The following CCSER1 variants were observed in gnomAD, a reference collection of about 807,000 sequenced individuals.
The protein encoded by CCSER1 is serine-rich coiled-coil domain-containing protein 1.
CCSER1 carries 41 observed loss-of-function variants against 82.0 expected under a neutral mutation model. The observed-to-expected ratio is 0.50, with a 90% CI of 0.39 to 0.65. The LOEUF (loss-of-function observed/expected upper bound fraction) is 0.65. Ranked by LOEUF, CCSER1 falls within the 30% of genes least tolerant of loss-of-function variation. The pLI is 0.00. For missense variants in CCSER1, 1,119 were observed against 1,064.2 expected, an observed-to-expected ratio of 1.05 and a Z score of -0.72; for synonymous variants, 414 against 383.9, an observed-to-expected ratio of 1.08 and a Z score of -0.92.
At chr4:90,641,838 A>G (rs902266867) in intron 6 of CCSER1, 1 of 209,674 alleles carries the variant, frequency 4.8e-6, no homozygotes, top group African/African-American at 2.3e-5. Flanking sequence ...TGCCACCTTC[A>G]TTGTACCTAA....
chr4:90,128,516 T>TGTGTGTGTGTGTGC lies in CCSER1; in HGVS notation c.-42+686_-42+687insTGTGTGTGTGTGCG, dbSNP rs994567297. 3.5e-3 allele frequency among the ~76,000 whole-genome samples: 450 copies of TGTGTGTGTGTGTGC among 128,566 alleles called. 2 individuals are homozygous for TGTGTGTGTGTGTGC. Among genetic ancestry groups the TGTGTGTGTGTGTGC allele is most frequent in the African/African-American group, 0.013 (421 of 31,274 alleles). The allele number at this position is 128,566 out of a possible 152,430, so 84.3% of individuals were successfully genotyped here. A position where few individuals can be genotyped will look rare whatever the true frequency, so the allele number is the denominator to read the frequency against. On this transcript the variant is annotated intron_variant, in intron 1 of 10. Transcript: ENST00000509176. The stretch of plus-strand genomic sequence containing the variant: ...GTGCGTGTGTGTGTGTGTGTGTGTG[T>TGTGTGTGTGTGTGC]GCGCGCGCGCGCGCGCTCTGGACTA...
At chr4:91,567,258 A>T (rs1172155055) in intron 10 of CCSER1, among the ~76,000 whole-genome samples, 1 of 152,024 alleles carries the variant, frequency 6.6e-6, no homozygotes, top group Non-Finnish European at 1.5e-5. Flanking sequence ...GTTTGGTGTG[A>T]TTACATTTCT....
intron 5 of CCSER1, among the ~76,000 whole-genome samples, chr4:90,561,549 A>G (rs1413205444): frequency 6.6e-6 from 1 of 152,226 alleles, no homozygotes; most frequent in East Asian, 1.9e-4. Context: ...TTTATTTTTG[A>G]ATCTACATTT....
At chr4:91,144,157 C>T (rs1482314448) in intron 10 of CCSER1, among the ~76,000 whole-genome samples, 2 of 151,930 alleles carry the variant, frequency 1.3e-5, no homozygotes, top group African/African-American at 2.4e-5. Context: ...TTGGTCTGTT[C>T]AGGGTTTTAA....
At chr4:90,189,914 A>G (rs1735309993) in intron 1 of CCSER1, among the ~76,000 whole-genome samples, 1 of 152,036 alleles carries the variant, frequency 6.6e-6, no homozygotes, top group Admixed American at 6.6e-5. Flanking sequence ...TGTAAAGCAT[A>G]TAGTTTAGTT....
intron 10 of CCSER1, among the ~76,000 whole-genome samples, chr4:91,440,540 T>C (rs1411466297): frequency 6.6e-6 from 1 of 152,110 alleles, no homozygotes; most frequent in Non-Finnish European, 1.5e-5. Context: ...ATCGACAGCC[T>C]AACATCACAA....
chr4:90,771,372 T>C (rs1275310014), intron 7 of CCSER1, among the ~76,000 whole-genome samples: 1 of 151,760 alleles, frequency 6.6e-6, no homozygotes, highest in Non-Finnish European at 1.5e-5. Flanking sequence ...GGGACCACTT[T>C]TTAAAATTCA....
chr4:90,245,797 T>C (rs1721312552), intron 1 of CCSER1, among the ~76,000 whole-genome samples: 1 of 152,146 alleles, frequency 6.6e-6, no homozygotes, highest in Admixed American at 6.5e-5. Flanking sequence ...GCAGTGATGA[T>C]TTTTAGCTCA....
intron 1 of CCSER1, among the ~76,000 whole-genome samples, chr4:90,271,850 ATATATATATATATTTTTTTTTTTTTTTT>A (rs1726468171): frequency 4.3e-5 from 1 of 23,140 alleles, no homozygotes; most frequent in African/African-American, 4.8e-4. Context: ...ATATATATAT[ATATATATATATATTTTTTTTTTTTTTTT>A]TTTTTTTTTT....
intron 10 of CCSER1, among the ~76,000 whole-genome samples, chr4:91,568,811 T>C (rs1763023138): frequency 6.6e-6 from 1 of 151,654 alleles, no homozygotes; most frequent in South Asian, 2.1e-4. Flanking sequence ...ATGATTTTTT[T>C]TTCTATCCAT....
At chr4:91,236,393 G>A (rs1316641191) in intron 10 of CCSER1, among the ~76,000 whole-genome samples, 1 of 152,000 alleles carries the variant, frequency 6.6e-6, no homozygotes, top group Non-Finnish European at 1.5e-5. Context: ...TGAGGCAAAA[G>A]AATCGCTTGA....
chr4:90,456,242 C>T (rs1218899020), intron 4 of CCSER1, among the ~76,000 whole-genome samples: 1 of 152,188 alleles, frequency 6.6e-6, no homozygotes, highest in Non-Finnish European at 1.5e-5. Flanking sequence ...AGAAAACTCT[C>T]AATTGTTACA....
At chr4:90,972,922 T>A (rs959218609) in intron 9 of CCSER1, among the ~76,000 whole-genome samples, 5 of 151,750 alleles carry the variant, frequency 3.3e-5, no homozygotes, top group African/African-American at 7.3e-5. Context: ...GAAGGAATAG[T>A]CTCTTCAATA....
intron 10 of CCSER1, among the ~76,000 whole-genome samples, chr4:91,131,707 GA>G (rs1728015107): frequency 2.0e-5 from 3 of 152,024 alleles, no homozygotes; most frequent in Admixed American, 1.3e-4. Context: ...CAGATGCAGA[GA>G]AACAGATAAA....
chr4:90,288,995 A>T (rs1332552382), intron 1 of CCSER1, among the ~76,000 whole-genome samples: 1 of 151,856 alleles, frequency 6.6e-6, no homozygotes, highest in African/African-American at 2.4e-5. Context: ...CCTAGAGGCA[A>T]TATTCTGGTG....
chr4:90,513,935 G>T (rs1771899181), intron 5 of CCSER1, among the ~76,000 whole-genome samples: 1 of 152,092 alleles, frequency 6.6e-6, no homozygotes, highest in Non-Finnish European at 1.5e-5. Context: ...GCAGCCTGAA[G>T]AAAATCTATG....
At chr4:90,886,232 T>C (rs1487819263) in intron 8 of CCSER1, among the ~76,000 whole-genome samples, 1 of 152,196 alleles carries the variant, frequency 6.6e-6, no homozygotes, top group Non-Finnish European at 1.5e-5. Context: ...TAACTCATGG[T>C]ACCTCCCAAT....
At chr4:90,946,403 G>T (rs1204024390) in intron 9 of CCSER1, among the ~76,000 whole-genome samples, 2 of 152,142 alleles carry the variant, frequency 1.3e-5, no homozygotes, top group African/African-American at 2.4e-5. Flanking sequence ...GGCTGAGGTG[G>T]GTGTATCACT....
Position 91,407,628 on chromosome 4 carries a change from C to T in CCSER1, c.2218-190944C>T, listed in dbSNP as rs536947214. Reference sequence around the variant, plus strand: ...CATCATGTAGCTTCTGCTTCTGATGCGGGAGCTTCAGGCTGCTTCCACTCA... The same window carrying T: ...CATCATGTAGCTTCTGCTTCTGATGTGGGAGCTTCAGGCTGCTTCCACTCA... On this transcript the variant is annotated intron_variant, in intron 10 of 10. Coordinates refer to ENST00000509176, the MANE Select transcript of CCSER1 (RefSeq NM_001145065.2). Among the ~76,000 whole-genome samples, 37 of 152,216 alleles carry T rather than the reference C, an allele frequency of 2.4e-4. No homozygotes were observed. The South Asian group carries it at 7.0e-3, about 29-fold the overall frequency.
Sources: allele counts gnomAD v4.1 joint callset (sites outside exome capture counted in the v4.1 genomes callset), GRCh38; gene constraint gnomAD v4.1.1; transcripts MANE v1.5; gene names NCBI Gene and HGNC (gene_info 2026-07-23, HGNC 2026-07-21).